The following MLKL variants were observed in gnomAD, a reference collection of about 807,000 sequenced individuals.
MLKL encodes mixed lineage kinase domain-like protein.
MLKL carries 55 observed loss-of-function variants against 56.5 expected under a neutral mutation model. That is an observed-to-expected ratio of 0.97 (90% CI 0.78 to 1.22). The LOEUF (loss-of-function observed/expected upper bound fraction) is 1.22, where lower values mean the gene tolerates loss of function less well. Among genes scored for constraint, MLKL ranks in the 50% most tolerant of loss-of-function variants. The pLI, the probability that MLKL is intolerant of heterozygous loss-of-function variation, is 0.00. For missense variants in MLKL, 694 were observed against 573.9 expected, an observed-to-expected ratio of 1.21 and a Z score of -2.14; for synonymous variants, 251 against 208.3, an observed-to-expected ratio of 1.20 and a Z score of -1.76.
intron 4 of MLKL, among the ~76,000 whole-genome samples, chr16:74,690,780 T>G (rs1401457513): frequency 2.6e-5 from 1 of 38,722 alleles, no homozygotes; most frequent in Admixed American, 5.1e-4. Flanking sequence ...AGACCTTGTC[T>G]CAAAAAAAAA....
rs1960273624 is a variant in MLKL, at chr16:74,685,532, T to C, written c.774A>G (p.Glu258=). Residue 258 remains glutamate, a synonymous_variant, in exon 5 of 11, where the codon GAA becomes GAG. Coordinates refer to ENST00000308807, the MANE Select transcript of MLKL (RefSeq NM_152649.4). ...CAAATATACGCAGGATGTTGGGAGA[T>C]TCGAATTTCTTCATGGTTTTGATCT... ...NKEIKTMKKF[E]SPNILRIFGI... is the part of the protein sequence containing the mutation. 1.2e-6 allele frequency: 2 copies of C among 1,614,050 alleles called. No homozygotes were observed. Among genetic ancestry groups the C allele is most frequent in the South Asian group, 2.2e-5 (2 of 91,074 alleles).
At chr16:74,676,905 C>G (rs1228191346) in intron 7 of MLKL, 1 of 152,146 alleles carries the variant, frequency 6.6e-6, no homozygotes, top group Non-Finnish European at 1.5e-5. Context: ...TAGACTGTCA[C>G]CTATGGCTCT....
intron 8 of MLKL, 89 bp downstream of exon 8, chr16:74,675,524 T>C: frequency 6.4e-7 from 1 of 1,569,484 alleles, no homozygotes; most frequent in African/African-American, 1.4e-5. Flanking sequence ...TTCAACAGAG[T>C]TGAGTTTAGG....
intron 7 of MLKL, 127 bp from the exon 8 acceptor site, chr16:74,675,891 G>T: frequency 9.8e-7 from 1 of 1,023,028 alleles, no homozygotes; most frequent in Non-Finnish European, 1.4e-6. Context: ...TTCCTGTCGT[G>T]ACTTCTGTCT....
intron 2 of MLKL, among the ~76,000 whole-genome samples, chr16:74,693,271 C>G (rs1430862567): frequency 6.6e-6 from 1 of 151,678 alleles, no homozygotes; most frequent in African/African-American, 2.4e-5. Context: ...CCTGGCCAAA[C>G]TGGTCAGTAG....
At chr16:74,676,436 T>A (rs1184068375) in intron 7 of MLKL, 1 of 985,324 alleles carries the variant, frequency 1.0e-6, no homozygotes, top group Non-Finnish European at 1.2e-6. Flanking sequence ...CTAGGGGCAA[T>A]GTGAGAAAAG....
In MLKL at chr16:74,698,067, T is replaced by C. The variant is rs897724371; in HGVS notation, c.-2-2308A>G. Among the ~76,000 whole-genome samples, 5 of 151,742 alleles carry C rather than the reference T, an allele frequency of 3.3e-5. No individual in the cohort carries two copies. The East Asian group carries it at 9.8e-4, about 30-fold the overall frequency. ...AAAAAATACAAAAATTTGCTGGATG[T>C]GGTGGTGCTTGCCTGTAGTCCCAGC... On this transcript the variant is annotated intron_variant, in intron 1 of 10. Coordinates refer to ENST00000308807, the MANE Select transcript of MLKL (RefSeq NM_152649.4).
intron 10 of MLKL, among the ~76,000 whole-genome samples, chr16:74,673,810 T>C (rs1192934358): frequency 6.6e-6 from 1 of 151,928 alleles, no homozygotes; most frequent in Admixed American, 6.6e-5. Context: ...GCTGCTGTGG[T>C]GGTGCCTGTT....
At chr16:74,675,809 T>TA in intron 7 of MLKL, 45 bp from the exon 8 acceptor site, 1 of 1,602,334 alleles carries the variant, frequency 6.2e-7, no homozygotes, top group Non-Finnish European at 8.5e-7. Context: ...AGATCTTGGG[T>TA]AGAGGAGTAA....
At chr16:74,684,431 GAAAAAA>G (rs66482612) in intron 5 of MLKL, among the ~76,000 whole-genome samples, 2 of 112,746 alleles carry the variant, frequency 1.8e-5, no homozygotes, top group Non-Finnish European at 3.5e-5. Context: ...GGGAAAAAAA[GAAAAAA>G]AAAAAAAAAA....
At chr16:74,686,591 C>T (rs1960343958) in intron 4 of MLKL, among the ~76,000 whole-genome samples, 1 of 152,060 alleles carries the variant, frequency 6.6e-6, no homozygotes, top group South Asian at 2.1e-4. Context: ...TCCACACACA[C>T]ACAAAAAAAG....
At position 74,675,947 on chromosome 16, in the gene MLKL, G is replaced by T. The variant is rs149835456; in HGVS notation, c.1039-183C>A. On this transcript the variant is annotated intron_variant, in intron 7 of 10. Coordinates refer to ENST00000308807, the MANE Select transcript of MLKL (RefSeq NM_152649.4). The stretch of plus-strand genomic sequence containing the variant: ...AACATTATGGGTTCAACTTATCACA[G>T]TGCAGTGACCAAGAGAAACACAAAG... The T allele has an allele frequency of 1.9e-3, 1,217 of 637,930 alleles. 16 individuals are homozygous for T. The highest frequency in any genetic ancestry group is 0.013 in the South Asian group (631 of 47,298). 39.5% of individuals were successfully genotyped at this position (637,930 alleles called of 1,614,324 possible).
rs1054490674 is a variant in MLKL at position 74,685,897 on chromosome 16, T to C, written c.723-314A>G. 7.2e-5 allele frequency among the ~76,000 whole-genome samples: 11 copies of C among 152,320 alleles called. 2 individuals carry two copies. ...ACTAGGCAAACTAAAAAGTCAAGTA[T>C]TTGTTACTGTTTTTAGGCTGTAACC... On this transcript the variant is annotated intron_variant, in intron 4 of 10. Coordinates refer to ENST00000308807, the MANE Select transcript of MLKL (RefSeq NM_152649.4).
chr16:74,683,620 C>G (rs993387927), intron 5 of MLKL, among the ~76,000 whole-genome samples: 1 of 149,798 alleles, frequency 6.7e-6, no homozygotes, highest in African/African-American at 2.4e-5. Context: ...AATTCTTTTT[C>G]TTTTTCTTTT....
chr16:74,693,728 C>A (rs918187572), intron 2 of MLKL, among the ~76,000 whole-genome samples: 2 of 151,794 alleles, frequency 1.3e-5, no homozygotes, highest in African/African-American at 2.4e-5. Context: ...CTCAGCCTCC[C>A]GAGTAGCTGG....
At chr16:74,674,015 G>A (rs1406833368) in intron 10 of MLKL, among the ~76,000 whole-genome samples, 25 of 151,280 alleles carry the variant, frequency 1.7e-4, no homozygotes, top group Non-Finnish European at 7.4e-5. Flanking sequence ...GAAATAGGCA[G>A]GAAGAAAGTA....
At chr16:74,675,823 G>C in intron 7 of MLKL, 59 bp from the exon 8 acceptor site, 11 of 1,557,554 alleles carry the variant, frequency 7.1e-6, no homozygotes, top group Non-Finnish European at 9.6e-6. Flanking sequence ...GGAGTAAAGG[G>C]CAGGGATTGT....
chr16:74,685,326 A>G (rs1048715054), intron 5 of MLKL, among the ~76,000 whole-genome samples, 160 bp downstream of exon 5: 1 of 151,974 alleles, frequency 6.6e-6, no homozygotes, highest in African/African-American at 2.4e-5. Flanking sequence ...AGATGAGAAC[A>G]TGCATCTTGG....
chr16:74,695,948 G>C (rs113397913), intron 1 of MLKL, among the ~76,000 whole-genome samples, 189 bp from the exon 2 acceptor site: 1 of 152,190 alleles, frequency 6.6e-6, no homozygotes, highest in African/African-American at 2.4e-5. Flanking sequence ...TAGAGTTGTA[G>C]CTGGGAAGAG....
Sources: allele counts gnomAD v4.1 joint callset (sites outside exome capture counted in the v4.1 genomes callset), GRCh38; gene constraint gnomAD v4.1.1; transcripts MANE v1.5; gene names NCBI Gene and HGNC (gene_info 2026-07-23, HGNC 2026-07-21).